Variants in KIAA0930 observed in about 807,000 individuals in gnomAD.
The protein encoded by KIAA0930 is KIAA0930.
KIAA0930 carries 24 observed loss-of-function variants against 43.9 expected under a neutral mutation model. That is an observed-to-expected ratio of 0.55 (90% confidence interval 0.40 to 0.77). KIAA0930 has a LOEUF of 0.77. Ranked by LOEUF, KIAA0930 falls within the 30% of genes least tolerant of loss-of-function variation. The pLI is 0.00. For missense variants in KIAA0930, 461 were observed against 574.2 expected, an observed-to-expected ratio of 0.80 and a Z score of 2.02; for synonymous variants, 259 against 216.4, an observed-to-expected ratio of 1.20 and a Z score of -1.73.
intron 1 of KIAA0930, among the ~76,000 whole-genome samples, chr22:45,219,259 T>G (rs2083752487): frequency 6.6e-6 from 1 of 152,180 alleles, no homozygotes; most frequent in Non-Finnish European, 1.5e-5. Flanking sequence ...AATGAGCTCC[T>G]ACACAGTGCT....
At position 45,195,671 on chromosome 22, in the gene KIAA0930, G is replaced by GA. The variant is rs1601804486; in HGVS notation, c.*1504dup. 7.7e-6 allele frequency: 1 copy of GA among 129,190 alleles called. No homozygotes were observed. The highest frequency in any genetic ancestry group is 2.3e-4 in the East Asian group (1 of 4,440). The allele number at this position is 129,190 out of a possible 1,614,324, so 8.0% of individuals were successfully genotyped here. A position where few individuals can be genotyped will look rare whatever the true frequency, so the allele number is the denominator to read the frequency against. On this transcript the variant is annotated 3_prime_UTR_variant, in exon 10 of 10. Transcript: ENST00000336156. ...CTCAGATTAGGTTATTACAAAGGGC[G>GA]AGGGGGAGGAGGGCATCCCAGGAGT...
In KIAA0930 at chr22:45,205,774, C is replaced by CCCCCCA; in HGVS notation, c.336+18_336+19insTGGGGG. 9.1e-7 allele frequency: 1 copy of CCCCCCA among 1,096,306 alleles called. No individual in the cohort carries two copies. Among genetic ancestry groups the CCCCCCA allele is most frequent in the Non-Finnish European group, 1.4e-6 (1 of 729,380 alleles). 67.9% of individuals were successfully genotyped at this position (1,096,306 alleles called of 1,614,324 possible). A position where few individuals can be genotyped will look rare whatever the true frequency, so the allele number is the denominator to read the frequency against. On this transcript the variant is annotated intron_variant, in intron 3 of 9. Transcript: ENST00000336156. ...ATCCCACAGGGCCAATCCGCAGCCC[C>CCCCCCA]ACCCATCCCACCCCATACCTTCTGC...
In KIAA0930 at chr22:45,205,309, C is replaced by T; in HGVS notation, c.424G>A (p.Ala142Thr). Reference sequence around the variant, plus strand: ...TCCATGGGGTGTTTACTGGGGGACGCGAACACTTGCTGGAAGAAAGCAGAT... The same window carrying T: ...TCCATGGGGTGTTTACTGGGGGACGTGAACACTTGCTGGAAGAAAGCAGAT... ...IHKKKSQQVF[A>T]SPSKHPMDSK... Residue 142 changes from alanine to threonine, a missense_variant, in exon 5 of 10, where the codon GCG becomes ACG. Coordinates refer to ENST00000336156, the MANE Select transcript of KIAA0930 (RefSeq NM_001009880.2). 6.2e-7 allele frequency: 1 copy of T among 1,613,700 alleles called. No individual in the cohort carries two copies. The highest frequency in any genetic ancestry group is 8.5e-7 in the Non-Finnish European group (1 of 1,179,692).
rs941470992 is a variant in KIAA0930 at position 45,235,946 on chromosome 22, G to A, written c.64+4694C>T. Among the ~76,000 whole-genome samples, 5 of 152,312 alleles carry A rather than the reference G, an allele frequency of 3.3e-5. No homozygotes were observed. The East Asian group carries it at 9.7e-4, about 29-fold the overall frequency. On this transcript the variant is annotated intron_variant, in intron 1 of 9. Transcript: ENST00000336156. ...CTAGCAAAGTGATGGCGGGTTGGGG[G>A]AGGTGAAGGGTGCACAGCGCTCTTC...
At chr22:45,224,508 C>T (rs1011471319) in intron 1 of KIAA0930, among the ~76,000 whole-genome samples, 2 of 151,888 alleles carry the variant, frequency 1.3e-5, no homozygotes, top group Non-Finnish European at 2.9e-5. Context: ...GGAGACTGCC[C>T]GGCTCCCGCG....
intron 1 of KIAA0930, among the ~76,000 whole-genome samples, chr22:45,217,772 T>A (rs2083742664): frequency 6.6e-6 from 1 of 152,162 alleles, no homozygotes; most frequent in African/African-American, 2.4e-5. Flanking sequence ...AGTGAGTAGG[T>A]GAATCCGTGA....
chr22:45,197,180 G>T lies in KIAA0930; in HGVS notation c.1211C>A (p.Thr404Asn). ...CTGCGCAGGCTCCGCACGCGGCTAG[G>T]TCATCAGGATGGGCTTCTGCCGAAC... ...LEVRQKPILMT is the reference protein window; with the variant it reads ...LEVRQKPILMN Residue 404 changes from threonine (T) to asparagine (N), a missense_variant, in exon 10 of 10, where the codon ACC becomes AAC. Transcript: ENST00000336156. The T allele has an allele frequency of 6.5e-7, 1 of 1,550,002 alleles. No individual in the cohort carries two copies. Among genetic ancestry groups the T allele is most frequent in the Non-Finnish European group, 8.7e-7 (1 of 1,146,256 alleles).
In KIAA0930 at chr22:45,205,892, C is replaced by T; in HGVS notation, c.237G>A (p.Glu79=). Residue 79 remains glutamate, a synonymous_variant, in exon 3 of 10, where the codon GAG becomes GAA. Transcript: ENST00000336156. ...TGGAGTCCCGCCGGTACACCTCCACCTCCACCTCAGGCTCAGCTGCCTGCG... is the reference window on the plus strand; with the variant it reads ...TGGAGTCCCGCCGGTACACCTCCACTTCCACCTCAGGCTCAGCTGCCTGCG... ...DGRKAAEPEV[E]VEVYRRDSKK... is the part of the protein sequence containing the mutation. The T allele has an allele frequency of 1.2e-6, 2 of 1,613,638 alleles. No individual in the cohort carries two copies. The highest frequency in any genetic ancestry group is 1.1e-5 in the South Asian group (1 of 91,082).
At chr22:45,211,513 G>A in intron 2 of KIAA0930, 2 of 427,030 alleles carry the variant, frequency 4.7e-6, no homozygotes, top group Admixed American at 3.9e-5. Context: ...GCTCAGCACT[G>A]TGTCTAGATG....
At position 45,194,588 on chromosome 22, in the gene KIAA0930, T is replaced by C. The variant is rs1406221673; in HGVS notation, c.*2588A>G. On this transcript the variant is annotated 3_prime_UTR_variant, in exon 10 of 10. Transcript: ENST00000336156. ...TACAAATGTGCCAACACCAGGACTT[T>C]GGGGACCCTGGTTCTGGCCCTGCCA... 1 of 152,190 alleles carries C rather than the reference T, an allele frequency of 6.6e-6. No homozygotes were observed. Among genetic ancestry groups the C allele is most frequent in the Non-Finnish European group, 1.5e-5 (1 of 68,020 alleles). 9.4% of individuals were successfully genotyped at this position (152,190 alleles called of 1,614,324 possible).
chr22:45,223,820 C>A (rs1316218349), intron 1 of KIAA0930, among the ~76,000 whole-genome samples: 3 of 146,804 alleles, frequency 2.0e-5, no homozygotes, highest in Non-Finnish European at 3.0e-5. Context: ...GGATCAGCAC[C>A]AGATGAGCAC....
intron 1 of KIAA0930, chr22:45,213,619 G>T: frequency 2.1e-6 from 1 of 470,290 alleles, no homozygotes; most frequent in Non-Finnish European, 3.1e-6. Flanking sequence ...ATTATTCCTG[G>T]ATAAACTTCA....
intron 2 of KIAA0930, among the ~76,000 whole-genome samples, chr22:45,208,084 G>A (rs956191436): frequency 1.3e-5 from 2 of 152,102 alleles, no homozygotes; most frequent in East Asian, 1.9e-4. Flanking sequence ...AAAGGTGTCC[G>A]TGTGCGCACC....
intron 2 of KIAA0930, chr22:45,207,850 C>T (rs34056255): frequency 1.6e-3 from 268 of 169,514 alleles, no homozygotes; most frequent in Non-Finnish European, 3.0e-3. Context: ...GCCCCACTTC[C>T]ACCGCCTGTA....
At chr22:45,204,339 T>C (rs2083616878) in intron 5 of KIAA0930, among the ~76,000 whole-genome samples, 1 of 152,174 alleles carries the variant, frequency 6.6e-6, no homozygotes, top group Non-Finnish European at 1.5e-5. Flanking sequence ...GGCTCCTGTG[T>C]GGCCAAAGGC....
At chr22:45,207,583 CA>C (rs2147743531) in intron 2 of KIAA0930, 1 of 167,072 alleles carries the variant, frequency 6.0e-6, no homozygotes, top group East Asian at 1.9e-4. Flanking sequence ...CTCGGCCTCC[CA>C]AAGTGCAGGG....
At position 45,194,566 on chromosome 22, in the gene KIAA0930, A is replaced by G. The variant is rs1422376744; in HGVS notation, c.*2610T>C. ...TTAAAGATGGTCTTACAAGAAGTAC[A>G]AATGTGCCAACACCAGGACTTTGGG... On this transcript the variant is annotated 3_prime_UTR_variant, in exon 10 of 10. Coordinates refer to ENST00000336156, the MANE Select transcript of KIAA0930 (RefSeq NM_001009880.2). 6.6e-6 allele frequency: 1 copy of G among 152,226 alleles called. No individual in the cohort carries two copies. The highest frequency in any genetic ancestry group is 1.5e-5 in the Non-Finnish European group (1 of 68,042). 9.4% of individuals were successfully genotyped at this position (152,226 alleles called of 1,614,324 possible).
At chr22:45,221,050 C>G (rs2147756181) in intron 1 of KIAA0930, among the ~76,000 whole-genome samples, 1 of 152,284 alleles carries the variant, frequency 6.6e-6, no homozygotes, top group South Asian at 2.1e-4. Flanking sequence ...ATTCCTCCAC[C>G]AAGCTTATTT....
Position 45,203,155 on chromosome 22 carries a change from C to A in KIAA0930, c.687G>T (p.Lys229Asn). ...RVSVAARMAQKMSFGFYKYSN... is the reference protein window; with the variant it reads ...RVSVAARMAQNMSFGFYKYSN... The stretch of plus-strand genomic sequence containing the variant: ...TGTACTTGTAGAAGCCAAACGACAT[C>A]TTCTGTGCCATGCGGGCGGCCACGC... The change falls in exon 7 of 10, where the codon AAG (lysine) becomes AAT (asparagine). Residue 229 changes from lysine (K) to asparagine (N), a missense_variant. By Grantham distance (94) the Lys-to-Asn change is moderately conservative. Transcript: ENST00000336156. 6.2e-7 allele frequency: 1 copy of A among 1,611,390 alleles called. No individual in the cohort carries two copies.
Sources: allele counts gnomAD v4.1 joint callset (sites outside exome capture counted in the v4.1 genomes callset), GRCh38; gene constraint gnomAD v4.1.1; transcripts MANE v1.5; gene names NCBI Gene and HGNC (gene_info 2026-07-23, HGNC 2026-07-21).